The following TSHZ3 variants were observed in gnomAD, a reference collection of about 807,000 sequenced individuals.
TSHZ3 encodes teashirt zinc finger homeobox 3.
Under a neutral mutation model 64.5 loss-of-function variants are expected in TSHZ3, and 10 were observed. The observed-to-expected ratio is 0.16, with a 90% CI of 0.10 to 0.26. TSHZ3 has a LOEUF of 0.26. TSHZ3 is among the 10% of genes least tolerant of loss of function. The probability of loss-of-function intolerance (pLI) is 1.00; values close to 1 mark genes in which losing one functional copy is unlikely to be tolerated. For missense variants in TSHZ3, 1,242 were observed against 1,421.7 expected, an observed-to-expected ratio of 0.87 and a Z score of 2.03; for synonymous variants, 608 against 593.1, an observed-to-expected ratio of 1.03 and a Z score of -0.36.
intron 1 of TSHZ3, among the ~76,000 whole-genome samples, chr19:31,316,350 G>C (rs1916601943): frequency 6.6e-6 from 1 of 152,170 alleles, no homozygotes; most frequent in African/African-American, 2.4e-5. Flanking sequence ...GAATTAAAGG[G>C]GAAGACGGCA....
chr19:31,325,098 A>C (rs964066797), intron 1 of TSHZ3, among the ~76,000 whole-genome samples: 1 of 152,226 alleles, frequency 6.6e-6, no homozygotes, highest in Non-Finnish European at 1.5e-5. Context: ...TGTGCTCCGT[A>C]GGAACTAAAC....
At chr19:31,158,479 C>T (rs1974333517) in intron 5 of TSHZ3, among the ~76,000 whole-genome samples, 1 of 152,118 alleles carries the variant, frequency 6.6e-6, no homozygotes, top group Admixed American at 6.5e-5. Flanking sequence ...ACTGAGATGT[C>T]ATCAGGACTA....
chr19:31,264,918 G>C (rs1976028557), intron 1 of TSHZ3, among the ~76,000 whole-genome samples: 1 of 152,102 alleles, frequency 6.6e-6, no homozygotes, highest in African/African-American at 2.4e-5. Context: ...TGATCAAAAG[G>C]ACCAGCAGTT....
At chr19:31,224,221 C>CTACT (rs1243836446) in intron 4 of TSHZ3, among the ~76,000 whole-genome samples, 1 of 152,196 alleles carries the variant, frequency 6.6e-6, no homozygotes, top group Non-Finnish European at 1.5e-5. Flanking sequence ...TGTATGCACT[C>CTACT]TACTTTCTGA....
chr19:31,216,453 GC>G (rs150708730), intron 4 of TSHZ3, among the ~76,000 whole-genome samples: 1 of 149,666 alleles, frequency 6.7e-6, no homozygotes, highest in Non-Finnish European at 1.5e-5. Context: ...CCAGGAGGCA[GC>G]TTTTTTTTTT....
At position 31,168,845 on chromosome 19, in the gene TSHZ3, A is replaced by G. The variant is rs138529318; in HGVS notation, n.810-12428T>C. Among the ~76,000 whole-genome samples, 1,037 of 152,276 alleles carry G rather than the reference A, an allele frequency of 6.8e-3. 3 individuals carry two copies. Among genetic ancestry groups the G allele is most frequent in the Middle Eastern group, 0.02 (6 of 294 alleles). On this transcript the variant is annotated intron_variant and non_coding_transcript_variant, in intron 5 of 6. Transcript: ENST00000651361. ...GGACGTAGTCTGTGGCCTGCTGCATACTTGGATAGTGTGGGGTGTATAAAA... is the reference window on the plus strand; with the variant it reads ...GGACGTAGTCTGTGGCCTGCTGCATGCTTGGATAGTGTGGGGTGTATAAAA...
intron 5 of TSHZ3, among the ~76,000 whole-genome samples, chr19:31,193,151 C>A (rs571128167): frequency 2.4e-4 from 36 of 152,262 alleles, no homozygotes; most frequent in African/African-American, 7.7e-4. Flanking sequence ...GCCTGCTCTG[C>A]CTTTTTTTTC....
rs775158869 is a variant in TSHZ3, at chr19:31,279,381, G to T, written c.412C>A (p.Leu138Met). The change falls in exon 2 of 2, where the codon CTG (leucine) becomes ATG (methionine). Residue 138 changes from leucine (L) to methionine (M), a missense_variant. Leu to Met is a conservative substitution (Grantham distance 15). Around this residue, in one of 4 missense-constraint regions of TSHZ3, gnomAD observed 555 missense variants for 704.0 expected, o/e 0.79. Coordinates refer to ENST00000240587, the MANE Select transcript of TSHZ3 (RefSeq NM_020856.4). The surrounding 1 kb of genome is among the most constrained non-coding windows in gnomAD (Gnocchi z 6.4). ...TTCTTCTCCGAGGAGGGCTGGTGCAGGTTGAGGTTGAGGTTGGACCAGTAG... is the reference window on the plus strand; with the variant it reads ...TTCTTCTCCGAGGAGGGCTGGTGCATGTTGAGGTTGAGGTTGGACCAGTAG... ...NSYWSNLNLNLHQPSSEKNNG... is the reference protein window; with the variant it reads ...NSYWSNLNLNMHQPSSEKNNG... 1 of 1,614,230 alleles carries T rather than the reference G, an allele frequency of 6.2e-7. No individual in the cohort carries two copies. The highest frequency in any genetic ancestry group is 8.5e-7 in the Non-Finnish European group (1 of 1,180,044).
chr19:31,181,170 A>T (rs1974708183), intron 5 of TSHZ3, among the ~76,000 whole-genome samples: 1 of 152,042 alleles, frequency 6.6e-6, no homozygotes. Flanking sequence ...AATCAAGCAG[A>T]ACAGCACCAA....
At chr19:31,198,586 A>G (rs1395891125) in intron 5 of TSHZ3, among the ~76,000 whole-genome samples, 1 of 152,182 alleles carries the variant, frequency 6.6e-6, no homozygotes. Flanking sequence ...CCAAGGTTGC[A>G]GGATAAAGGT....
intron 3 of TSHZ3, among the ~76,000 whole-genome samples, chr19:31,239,082 C>T (rs1284533738): frequency 1.3e-5 from 2 of 152,046 alleles, no homozygotes; most frequent in African/African-American, 4.8e-5. Context: ...AATTATCAGT[C>T]TATTTATAGT....
chr19:31,273,510 C>A (rs566904852), downstream of TSHZ3, among the ~76,000 whole-genome samples: 85 of 152,272 alleles, frequency 5.6e-4, no homozygotes, highest in Non-Finnish European at 7.6e-4. Context: ...CGTACAAATC[C>A]CATCTCCCTT....
intron 4 of TSHZ3, among the ~76,000 whole-genome samples, chr19:31,219,827 T>C (rs1397124011): frequency 1.3e-5 from 2 of 149,520 alleles, no homozygotes; most frequent in African/African-American, 2.4e-5. Context: ...AAAAAATATA[T>C]ATGTATATTC....
intron 1 of TSHZ3, among the ~76,000 whole-genome samples, chr19:31,333,147 A>C (rs992684995): frequency 1.5e-5 from 2 of 134,286 alleles, no homozygotes; most frequent in Non-Finnish European, 1.6e-5. Context: ...TAAATAAATA[A>C]ATAAATCCAG....
intron 5 of TSHZ3, among the ~76,000 whole-genome samples, chr19:31,177,140 G>T (rs1220264588): frequency 6.6e-6 from 1 of 152,192 alleles, no homozygotes; most frequent in Admixed American, 6.5e-5. Context: ...GCATAGTATA[G>T]AATTGCTATA....
chr19:31,217,978 C>A (rs976338367), intron 4 of TSHZ3, among the ~76,000 whole-genome samples: 1 of 152,138 alleles, frequency 6.6e-6, no homozygotes, highest in Non-Finnish European at 1.5e-5. Context: ...TCTAGATGGC[C>A]TAGGATTTGG....
intron 5 of TSHZ3, among the ~76,000 whole-genome samples, chr19:31,179,896 G>C (rs746420231): frequency 3.7e-4 from 57 of 152,154 alleles, no homozygotes; most frequent in Non-Finnish European, 7.2e-4. Context: ...AGCTCATATA[G>C]TGCCACTCAG....
chr19:31,206,118 TG>T (rs1975167824), intron 4 of TSHZ3, among the ~76,000 whole-genome samples: 2 of 151,326 alleles, frequency 1.3e-5, no homozygotes, highest in Non-Finnish European at 2.9e-5. Flanking sequence ...GATGGATGGA[TG>T]GATGGATGGA....
chr19:31,230,701 T>G (rs1402009656), intron 3 of TSHZ3, among the ~76,000 whole-genome samples: 1 of 141,004 alleles, frequency 7.1e-6, no homozygotes, highest in African/African-American at 2.7e-5. Flanking sequence ...GCTTTTTTTT[T>G]TTTTTTTTTT....
Sources: gnomAD v4.1 joint callset for allele counts (sites outside exome capture counted in the v4.1 genomes callset) on GRCh38, gnomAD v4.1.1 for gene constraint, gnomAD v4.1.1 regional missense constraint, Gnocchi (gnomAD v3.1) non-coding constraint, MANE v1.5 for transcripts, NCBI Gene and HGNC (gene_info 2026-07-23, HGNC 2026-07-21) for gene names.